SLC36A1: variants seen among roughly 807,000 people sequenced by gnomAD.
SLC36A1 encodes the protein solute carrier family 36 member 1, also known as proton-coupled amino acid transporter 1.
SLC36A1 carries 30 observed loss-of-function variants against 47.5 expected under a neutral mutation model. That is an observed-to-expected ratio of 0.63 (90% CI 0.47 to 0.86). SLC36A1 has a LOEUF of 0.86. Among genes scored for constraint, SLC36A1 ranks in the 40% least tolerant of loss-of-function variants. The probability of loss-of-function intolerance (pLI) is 0.00; values close to 1 mark genes in which losing one functional copy is unlikely to be tolerated. For missense variants in SLC36A1, 517 were observed against 606.0 expected, an observed-to-expected ratio of 0.85 and a Z score of 1.54; for synonymous variants, 255 against 249.7, an observed-to-expected ratio of 1.02 and a Z score of -0.20.
chr5:151,523,359 A>C, the SLC36A1 span, among the ~76,000 whole-genome samples: 91 of 152,314 alleles, frequency 6.0e-4, no homozygotes, highest in Non-Finnish European at 1.1e-3. Context: ...CTGTAAATAC[A>C]TTATCCTAGT....
chr5:151,409,858 A>C, the SLC36A1 span, among the ~76,000 whole-genome samples: 1 of 152,194 alleles, frequency 6.6e-6, no homozygotes, highest in African/African-American at 2.4e-5. Context: ...ACAGATTCAG[A>C]TCCAAGACAA....
At chr5:151,394,701 A>G in the SLC36A1 span, among the ~76,000 whole-genome samples, 4 of 152,232 alleles carry the variant, frequency 2.6e-5, no homozygotes, top group Non-Finnish European at 4.4e-5. Context: ...TCAGCAGCGG[A>G]GGCTGCAGAA....
chr5:151,542,684 A>G, the SLC36A1 span: 1 of 1,614,226 alleles, frequency 6.2e-7, no homozygotes. Context: ...TGAATGACTG[A>G]GGTCCCCACT....
the SLC36A1 span, among the ~76,000 whole-genome samples, chr5:151,497,725 T>C: frequency 6.6e-6 from 1 of 152,160 alleles, no homozygotes; most frequent in Non-Finnish European, 1.5e-5. Context: ...GAGGGGCTTT[T>C]CTGTGCATTC....
At chr5:151,548,321 T>A in the SLC36A1 span, among the ~76,000 whole-genome samples, 1 of 151,604 alleles carries the variant, frequency 6.6e-6, no homozygotes, top group Admixed American at 6.6e-5. Context: ...CTATTAAATA[T>A]CATTAATTAT....
At chr5:151,530,287 TC>T in the SLC36A1 span, among the ~76,000 whole-genome samples, 3 of 150,362 alleles carry the variant, frequency 2.0e-5, no homozygotes, top group East Asian at 5.8e-4. Context: ...CTTATGTGCG[TC>T]CAGACATGAT....
chr5:151,459,072 C>T lies in SLC36A1; in HGVS notation c.143+137C>T, dbSNP rs1262938487. 5.1e-6 allele frequency: 5 copies of T among 972,092 alleles called. No individual in the cohort carries two copies. The Admixed American group carries it at 1.2e-4, about 22-fold the overall frequency. The allele number at this position is 972,092 out of a possible 1,614,324, so 60.2% of individuals were successfully genotyped here. ...AGCAGTGAAGAGATTGGGCGAGTGA[C>T]TGCGCTGAGATTTGCCTTCCTGGGC... On this transcript the variant is annotated intron_variant, in intron 2 of 10. Transcript: ENST00000243389.
chr5:151,346,012 T>A, the SLC36A1 span, among the ~76,000 whole-genome samples: 1 of 152,218 alleles, frequency 6.6e-6, no homozygotes, highest in African/African-American at 2.4e-5. Flanking sequence ...CGAGTCTGGG[T>A]GAGCCAACCC....
the SLC36A1 span, among the ~76,000 whole-genome samples, chr5:151,390,676 T>G: frequency 1.3e-5 from 2 of 152,258 alleles, no homozygotes; most frequent in Non-Finnish European, 2.9e-5. Flanking sequence ...CCTTTCCCCA[T>G]TTCTTGTTTT....
the SLC36A1 span, chr5:151,551,658 A>G: frequency 5.7e-6 from 9 of 1,592,766 alleles, no homozygotes; most frequent in Non-Finnish European, 6.9e-6. Flanking sequence ...TTTAGGCAGC[A>G]TAGCATAAGA....
At chr5:151,512,486 C>G in the SLC36A1 span, 2 of 1,614,206 alleles carry the variant, frequency 1.2e-6, no homozygotes, top group Non-Finnish European at 1.7e-6. This position sits in a 1 kb window ranked among gnomAD's most constrained non-coding sequence, Gnocchi z 4.1. Context: ...CGAATGGAAG[C>G]GTCCATCTCC....
At chr5:151,363,413 A>G in the SLC36A1 span, among the ~76,000 whole-genome samples, 2 of 152,080 alleles carry the variant, frequency 1.3e-5, no homozygotes, top group Non-Finnish European at 2.9e-5. Context: ...TGTCTGCTTG[A>G]TGGCTTTTCA....
At chr5:151,459,992 T>A (rs1755268537) in intron 2 of SLC36A1, 1 of 152,230 alleles carries the variant, frequency 6.6e-6, no homozygotes. Flanking sequence ...TCCTCTAAGA[T>A]TCTGTTTCTG....
chr5:151,379,474 C>G, the SLC36A1 span, among the ~76,000 whole-genome samples: 1 of 152,232 alleles, frequency 6.6e-6, no homozygotes, highest in African/African-American at 2.4e-5. Flanking sequence ...GCTGGGATTA[C>G]AGGCATGCGC....
chr5:151,534,533 G>A, the SLC36A1 span: 1 of 1,614,114 alleles, frequency 6.2e-7, no homozygotes. Flanking sequence ...CCTCCACATG[G>A]AGGGTGATGT....
the SLC36A1 span, among the ~76,000 whole-genome samples, chr5:151,383,604 G>A: frequency 2.1e-3 from 279 of 129,806 alleles, 1 homozygote; most frequent in African/African-American, 8.3e-3. Context: ...ACAGAGACTC[G>A]CTCTGTCGCC....
At chr5:151,433,254 ATATATATATATATTT>A (rs1759528777), upstream of SLC36A1, among the ~76,000 whole-genome samples, 15 of 16,500 alleles carry the variant, frequency 9.1e-4, 1 homozygote, top group African/African-American at 2.7e-3. Flanking sequence ...ATATATATAT[ATATATATATATATTT>A]TTTTTTTTTT....
At chr5:151,532,331 T>G in the SLC36A1 span, among the ~76,000 whole-genome samples, 2 of 152,110 alleles carry the variant, frequency 1.3e-5, no homozygotes, top group South Asian at 4.1e-4. Flanking sequence ...ATTGTGGTGT[T>G]GGTTACAAGA....
At chr5:151,362,389 C>CTTTTTTTTTTTTTT in the SLC36A1 span, among the ~76,000 whole-genome samples, 1 of 109,012 alleles carries the variant, frequency 9.2e-6, no homozygotes, top group Non-Finnish European at 1.8e-5. Flanking sequence ...ATTGATTCTT[C>CTTTTTTTTTTTTTT]TTTTTTTTTT....
Sources: gnomAD v4.1 joint callset for allele counts (sites outside exome capture counted in the v4.1 genomes callset) on GRCh38, gnomAD v4.1.1 for gene constraint, Gnocchi (gnomAD v3.1) non-coding constraint, MANE v1.5 for transcripts, NCBI Gene and HGNC (gene_info 2026-07-23, HGNC 2026-07-21) for gene names.